The following ATP2B2 variants were observed in gnomAD, a reference collection of about 807,000 sequenced individuals.
ATP2B2 encodes the protein ATPase plasma membrane Ca2+ transporting 2.
A neutral mutation model predicts 120.0 loss-of-function variants in ATP2B2; 15 were observed. The observed-to-expected ratio is 0.12, with a 90% CI of 0.08 to 0.19. ATP2B2 has a LOEUF of 0.19. Ranked by LOEUF, ATP2B2 falls within the 10% of genes least tolerant of loss-of-function variation. The pLI is 1.00. For synonymous variants in ATP2B2, 694 were observed against 700.3 expected, an observed-to-expected ratio of 0.99 and a Z score of 0.14; for missense variants, 1,045 against 1,719.8, an observed-to-expected ratio of 0.61 and a Z score of 6.94.
In ATP2B2 at chr3:10,359,866, C is replaced by T. The variant is rs1317427673; in HGVS notation, c.1901+16G>A. 5 of 1,614,178 alleles carry T rather than the reference C, an allele frequency of 3.1e-6. No homozygotes were observed. Among genetic ancestry groups the T allele is most frequent in the Non-Finnish European group, 4.2e-6 (5 of 1,180,026 alleles). On this transcript the variant is annotated intron_variant, in intron 13 of 22. Transcript: ENST00000360273. ...AGGGCACAGCCCTCAGCCCCGGTGCCCTGCCCAGCGCTTACTTCTTGAGCA... is the reference window on the plus strand; with the variant it reads ...AGGGCACAGCCCTCAGCCCCGGTGCTCTGCCCAGCGCTTACTTCTTGAGCA...
At chr3:10,395,161 G>C (rs1390023254) in intron 5 of ATP2B2, among the ~76,000 whole-genome samples, 4 of 152,192 alleles carry the variant, frequency 2.6e-5, no homozygotes, top group Non-Finnish European at 5.9e-5. Flanking sequence ...TATAAGAGGG[G>C]TCACTGCTTT....
chr3:10,663,732 T>A (rs1476330962), intron 1 of ATP2B2, among the ~76,000 whole-genome samples: 1 of 152,090 alleles, frequency 6.6e-6, no homozygotes, highest in African/African-American at 2.4e-5. Context: ...GGGTCCAAGC[T>A]GAGCCCACTG....
intron 13 of ATP2B2, among the ~76,000 whole-genome samples, chr3:10,359,153 A>G (rs1462196635): frequency 2.6e-5 from 4 of 152,198 alleles, no homozygotes; most frequent in Non-Finnish European, 5.9e-5. Flanking sequence ...CACAAGATTC[A>G]TCTGAAATAA....
intron 13 of ATP2B2, 110 bp downstream of exon 13, chr3:10,359,772 C>A: frequency 6.6e-7 from 1 of 1,514,870 alleles, no homozygotes; most frequent in Non-Finnish European, 9.0e-7. Context: ...TCCAGCCGGG[C>A]AGGCTGCTGA....
rs2062802162 is a variant in ATP2B2 at position 10,416,879 on chromosome 3, G to A, written c.200-6064C>T. Among the ~76,000 whole-genome samples, 4 of 152,084 alleles carry A rather than the reference G, an allele frequency of 2.6e-5. 1 individual carries two copies. Among genetic ancestry groups the A allele is most frequent in the South Asian group, 4.1e-4 (2 of 4,836 alleles). The stretch of plus-strand genomic sequence containing the variant: ...CACTTGGAGAGTTGCACAGCGGCCA[G>A]GCAGAGGCGCTCCTCACTTCCCAGA... On this transcript the variant is annotated intron_variant, in intron 2 of 22. Transcript: ENST00000360273.
In ATP2B2 at chr3:10,429,668, C is replaced by A. The variant is rs149052976; in HGVS notation, c.200-18853G>T. Among the ~76,000 whole-genome samples, 348 of 152,304 alleles carry A rather than the reference C, an allele frequency of 2.3e-3. 8 individuals carry two copies. The South Asian group carries it at 0.033, about 14-fold the overall frequency. On this transcript the variant is annotated intron_variant, in intron 2 of 22. Coordinates refer to ENST00000360273, the MANE Select transcript of ATP2B2 (RefSeq NM_001001331.4). ...AAGTTTGACCAATTAATAACTCTACCATGGCCTCCAAATCACTTTAAATCA... is the reference window on the plus strand; with the variant it reads ...AAGTTTGACCAATTAATAACTCTACAATGGCCTCCAAATCACTTTAAATCA...
intron 2 of ATP2B2, among the ~76,000 whole-genome samples, chr3:10,580,885 T>C (rs1322913996): frequency 1.3e-5 from 2 of 152,250 alleles, no homozygotes; most frequent in East Asian, 3.8e-4. Flanking sequence ...CGTTTTCACA[T>C]ATTATATAGC....
intron 22 of ATP2B2, among the ~76,000 whole-genome samples, chr3:10,335,269 G>A (rs985208123): frequency 6.6e-6 from 1 of 152,198 alleles, no homozygotes; most frequent in Non-Finnish European, 1.5e-5. Context: ...TTTCTACCAG[G>A]GGTCAAGCTG....
chr3:10,507,707 T>C (rs2066673933), upstream of ATP2B2, among the ~76,000 whole-genome samples: 1 of 152,222 alleles, frequency 6.6e-6, no homozygotes, highest in African/African-American at 2.4e-5. Flanking sequence ...GCCTTCTGTG[T>C]CCGGCACACT....
intron 2 of ATP2B2, among the ~76,000 whole-genome samples, chr3:10,535,385 A>ATGTGTGTG (rs34707434): frequency 0.01 from 1,492 of 147,134 alleles, 16 homozygotes; most frequent in Admixed American, 0.027. Context: ...CAGCAGTTTG[A>ATGTGTGTG]TGTGTGTGTG....
intron 12 of ATP2B2, among the ~76,000 whole-genome samples, chr3:10,365,941 G>T (rs1013744621): frequency 6.6e-5 from 8 of 121,632 alleles, no homozygotes; most frequent in African/African-American, 2.5e-4. Flanking sequence ...CATCTGGAGT[G>T]ATTTCCTTTA....
At chr3:10,523,850 A>T (rs1392595579) in intron 3 of ATP2B2, among the ~76,000 whole-genome samples, 1 of 152,026 alleles carries the variant, frequency 6.6e-6, no homozygotes, top group Non-Finnish European at 1.5e-5. Flanking sequence ...GCAGAAAAAA[A>T]AAAAAATAAA....
chr3:10,371,850 T>C lies in ATP2B2; in HGVS notation c.1618A>G (p.Asn540Asp), dbSNP rs199678871. ...TAGGCGCTGTTGATGGCGATGGCAT[T>C]GATCAGCAGCTCCATGGTCTTGGTG... is the stretch of plus-strand genomic sequence containing the variant. ...INTKTMELLI[N>D]AIAINSAYTT... Residue 540 changes from asparagine (N) to aspartate (D), a missense_variant, in exon 12 of 23, where the codon AAT becomes GAT. Asn to Asp is a conservative substitution (Grantham distance 23, BLOSUM62 1). Transcript: ENST00000360273. 2 of 1,614,068 alleles carry C rather than the reference T, an allele frequency of 1.2e-6. No homozygotes were observed. Among genetic ancestry groups the C allele is most frequent in the Non-Finnish European group, 1.7e-6 (2 of 1,180,038 alleles).
At chr3:10,641,645 C>T (rs2070175022) in intron 1 of ATP2B2, among the ~76,000 whole-genome samples, 2 of 152,196 alleles carry the variant, frequency 1.3e-5, no homozygotes, top group South Asian at 2.1e-4. Context: ...GGAGATTATT[C>T]TCTTTCTGGT....
At chr3:10,462,089 A>G (rs543313566) in intron 1 of ATP2B2, among the ~76,000 whole-genome samples, 2 of 152,168 alleles carry the variant, frequency 1.3e-5, no homozygotes, top group South Asian at 4.2e-4. Flanking sequence ...CTGGGCAATG[A>G]CACCCATCTG....
At chr3:10,597,316 T>G (rs1477395271) in intron 2 of ATP2B2, among the ~76,000 whole-genome samples, 1 of 64,508 alleles carries the variant, frequency 1.6e-5, no homozygotes, top group African/African-American at 6.4e-5. Flanking sequence ...CACAGACACA[T>G]AGGCACACAC....
chr3:10,638,077 T>C (rs2070071615), intron 1 of ATP2B2, among the ~76,000 whole-genome samples: 1 of 152,046 alleles, frequency 6.6e-6, no homozygotes, highest in African/African-American at 2.4e-5. Flanking sequence ...ATAAAAACAT[T>C]TTTAGACATA....
chr3:10,644,185 C>T (rs2070251310), intron 1 of ATP2B2, among the ~76,000 whole-genome samples: 1 of 152,186 alleles, frequency 6.6e-6, no homozygotes, highest in South Asian at 2.1e-4. Flanking sequence ...TACTCAACAA[C>T]TTCACCATCA....
intron 2 of ATP2B2, among the ~76,000 whole-genome samples, chr3:10,571,765 T>C (rs1449818668): frequency 6.6e-6 from 1 of 152,196 alleles, no homozygotes; most frequent in Admixed American, 6.5e-5. Flanking sequence ...ATGAGCATCG[T>C]TGGGTTCCCA....
Sources: gnomAD v4.1 joint callset for allele counts (sites outside exome capture counted in the v4.1 genomes callset) on GRCh38, gnomAD v4.1.1 for gene constraint, MANE v1.5 for transcripts, NCBI Gene and HGNC (gene_info 2026-07-23, HGNC 2026-07-21) for gene names.